QTGAL: variants seen among roughly 807,000 people sequenced by gnomAD.
The protein encoded by QTGAL is BGnT-like protein 1.
chr17:83,022,031 T>C, the QTGAL span, among the ~76,000 whole-genome samples: 1 of 152,122 alleles, frequency 6.6e-6, no homozygotes, highest in Non-Finnish European at 1.5e-5. Context: ...ATACACCATC[T>C]TCAAAAATGA....
the QTGAL span, among the ~76,000 whole-genome samples, chr17:83,026,629 C>A: frequency 0.83 from 83,161 of 100,250 alleles, 33,137 homozygotes; most frequent in Admixed American, 0.84. Flanking sequence ...CAGAGGAGGG[C>A]AGGAAGCCTG....
the QTGAL span, among the ~76,000 whole-genome samples, chr17:83,017,442 G>A: frequency 2.0e-5 from 3 of 151,926 alleles, no homozygotes; most frequent in African/African-American, 7.3e-5. Context: ...GGCCAAGATG[G>A]TGAAACTCTG....
chr17:83,036,465 C>T, the QTGAL span, among the ~76,000 whole-genome samples: 1 of 152,300 alleles, frequency 6.6e-6, no homozygotes, highest in African/African-American at 2.4e-5. Context: ...AACCTTCATC[C>T]AGCAGTAAGA....
the QTGAL span, chr17:83,005,641 C>T: frequency 8.5e-6 from 6 of 703,452 alleles, no homozygotes; most frequent in African/African-American, 8.7e-5. The surrounding 1 kb of genome is among the most constrained non-coding windows in gnomAD (Gnocchi z 5.6). Context: ...CCGTCTGAAC[C>T]TGCTCCATTC....
chr17:82,983,267 G>A, the QTGAL span, among the ~76,000 whole-genome samples: 23 of 152,302 alleles, frequency 1.5e-4, 1 homozygote, highest in South Asian at 1.9e-3. Context: ...GCGACAGAGC[G>A]AGACTCCATC....
At chr17:83,047,522 A>G in the QTGAL span, among the ~76,000 whole-genome samples, 1 of 142,620 alleles carries the variant, frequency 7.0e-6, no homozygotes, top group South Asian at 2.2e-4. Flanking sequence ...GTCTATAATA[A>G]ATCCCTACCA....
the QTGAL span, chr17:82,946,935 G>T: frequency 1.9e-6 from 3 of 1,569,780 alleles, no homozygotes; most frequent in East Asian, 2.3e-5. Context: ...TGGCCCTCCT[G>T]CAAGTGCAGT....
At chr17:83,033,758 A>C in the QTGAL span, among the ~76,000 whole-genome samples, 1 of 152,134 alleles carries the variant, frequency 6.6e-6, no homozygotes, top group Admixed American at 6.5e-5. Context: ...GGCGTGAGCC[A>C]CCGCGCCCGG....
At chr17:83,034,035 G>A in the QTGAL span, among the ~76,000 whole-genome samples, 1 of 151,720 alleles carries the variant, frequency 6.6e-6, no homozygotes, top group Non-Finnish European at 1.5e-5. Context: ...CCGCCTCCTG[G>A]GTTCAAGCGA....
At chr17:83,041,962 G>A in the QTGAL span, among the ~76,000 whole-genome samples, 1 of 152,174 alleles carries the variant, frequency 6.6e-6, no homozygotes, top group African/African-American at 2.4e-5. Flanking sequence ...CACTAAACAG[G>A]AACTCATAGA....
the QTGAL span, among the ~76,000 whole-genome samples, chr17:82,971,416 A>G: frequency 6.6e-6 from 1 of 152,186 alleles, no homozygotes; most frequent in Non-Finnish European, 1.5e-5. Context: ...GAGTCCTCCA[A>G]GCATGGGCAA....
chr17:82,958,957 T>TG, the QTGAL span, among the ~76,000 whole-genome samples: 17 of 85,672 alleles, frequency 2.0e-4, 2 homozygotes, highest in South Asian at 4.6e-4. Context: ...TGGGGGTGTA[T>TG]GTGTGTGTGT....
chr17:82,961,394 A>G, the QTGAL span: 1 of 333,962 alleles, frequency 3.0e-6, no homozygotes. Context: ...GAAAGAGGGG[A>G]AGGGAGGGTG....
chr17:82,985,523 T>C, the QTGAL span, among the ~76,000 whole-genome samples: 1 of 152,172 alleles, frequency 6.6e-6, no homozygotes, highest in African/African-American at 2.4e-5. Flanking sequence ...ATTCGGAACA[T>C]GAATTTCTGG....
the QTGAL span, chr17:83,035,217 T>C: frequency 3.5e-6 from 3 of 847,680 alleles, no homozygotes; most frequent in South Asian, 5.1e-5. Context: ...TTCCCTCTTG[T>C]TGCCCAGGCT....
the QTGAL span, among the ~76,000 whole-genome samples, chr17:82,969,106 T>G: frequency 6.8e-6 from 1 of 146,114 alleles, no homozygotes; most frequent in African/African-American, 2.5e-5. Flanking sequence ...CACTATAACC[T>G]GGGTAACAGA....
chr17:82,943,496 C>G, the QTGAL span: 1 of 152,230 alleles, frequency 6.6e-6, no homozygotes, highest in Non-Finnish European at 1.5e-5. Context: ...GTGCCATGTG[C>G]GTGGTGTAGA....
chr17:83,021,241 G>A, the QTGAL span, among the ~76,000 whole-genome samples: 2 of 152,070 alleles, frequency 1.3e-5, no homozygotes, highest in South Asian at 2.1e-4. Context: ...AACCAAGAAC[G>A]CGGAATAAGT....
At chr17:83,043,152 A>T in the QTGAL span, among the ~76,000 whole-genome samples, 1 of 152,254 alleles carries the variant, frequency 6.6e-6, no homozygotes, top group Non-Finnish European at 1.5e-5. Context: ...GAGAACTTGA[A>T]CAATACTATA....
Sources: gnomAD v4.1 joint callset for allele counts (sites outside exome capture counted in the v4.1 genomes callset) on GRCh38, gnomAD v4.1.1 for gene constraint, Gnocchi (gnomAD v3.1) non-coding constraint, MANE v1.5 for transcripts, NCBI Gene and HGNC (gene_info 2026-07-23, HGNC 2026-07-21) for gene names.